CLCN4: variants seen among roughly 807,000 people sequenced by gnomAD.
CLCN4 encodes Cl-/H+ antiporter 4.
In CLCN4, 1 loss-of-function variant was observed where a neutral mutation model predicts 41.7. That is an observed-to-expected ratio of 0.02 (90% CI 0.01 to 0.11). The LOEUF is 0.11. Among genes scored for constraint, CLCN4 ranks in the 10% least tolerant of loss-of-function variants. The probability of loss-of-function intolerance (pLI) is 1.00; values close to 1 mark genes in which losing one functional copy is unlikely to be tolerated. For synonymous variants in CLCN4, 277 were observed against 285.8 expected, an observed-to-expected ratio of 0.97 and a Z score of 0.31; for missense variants, 287 against 661.0, an observed-to-expected ratio of 0.43 and a Z score of 6.20.
chrX:10,212,384 G>A (rs187351593), intron 9 of CLCN4, 83 bp from the exon 10 acceptor site: 11,975 of 965,458 alleles, frequency 0.012, 97 homozygotes, highest in Non-Finnish European at 0.013. Flanking sequence ...CAAGCCCGTC[G>A]AGGGGGAATG....
rs1388809645 is a variant in CLCN4, at chrX:10,165,370, C to T, written c.-12+6819C>T. 4.4e-5 allele frequency among the ~76,000 whole-genome samples: 5 copies of T among 112,718 alleles called. No homozygotes were observed. The Admixed American group carries it at 4.7e-4, about 10-fold the overall frequency. On this transcript the variant is annotated intron_variant, in intron 2 of 12. Transcript: ENST00000380833. ...GCTGGGGTCAGGCCCTTGACCTGCC[C>T]TGGGGACGACACATGGGAACAGCAG...
intron 11 of CLCN4, among the ~76,000 whole-genome samples, chrX:10,217,035 ACTT>A (rs934990767): frequency 9.6e-6 from 1 of 103,630 alleles, no homozygotes; most frequent in South Asian, 4.6e-4. Flanking sequence ...TCTTTGTACT[ACTT>A]CTGTGGTTGC....
intron 12 of CLCN4, among the ~76,000 whole-genome samples, chrX:10,227,876 A>G (rs1284547846): frequency 8.9e-6 from 1 of 112,173 alleles, no homozygotes; most frequent in Non-Finnish European, 1.9e-5. Context: ...CATTGTGTGG[A>G]TAGACCACAT....
At chrX:10,222,173 A>C in intron 12 of CLCN4, among the ~76,000 whole-genome samples, 1 of 112,469 alleles carries the variant, frequency 8.9e-6, no homozygotes, top group Non-Finnish European at 1.9e-5. Flanking sequence ...ACAAATCAGG[A>C]AACCAACAAT....
In CLCN4 at chrX:10,208,206, C is replaced by T. The variant is rs767923221; in HGVS notation, c.1005C>T (p.Phe335=). 8.3e-7 allele frequency: 1 copy of T among 1,211,534 alleles called. No homozygotes were observed. The highest frequency in any genetic ancestry group is 1.1e-6 in the Non-Finnish European group (1 of 895,497). ...TPWYMAELFP[F]ILLGVFGGLW... is the part of the protein sequence containing the mutation. ...GGTACATGGCTGAACTCTTCCCCTTCATCCTGCTTGGGGTCTTCGGGGGCT... is the reference window on the plus strand; with the variant it reads ...GGTACATGGCTGAACTCTTCCCCTTTATCCTGCTTGGGGTCTTCGGGGGCT... Residue 335 remains phenylalanine, a synonymous_variant, in exon 9 of 13, where the codon TTC becomes TTT. Transcript: ENST00000380833.
chrX:10,229,398 T>C (rs1925067733), intron 12 of CLCN4, among the ~76,000 whole-genome samples: 1 of 108,938 alleles, frequency 9.2e-6, no homozygotes, highest in African/African-American at 3.3e-5. Context: ...TATATATATA[T>C]ATATATTTTA....
At chrX:10,160,921 T>C (rs1009561110) in intron 2 of CLCN4, among the ~76,000 whole-genome samples, 3 of 110,171 alleles carry the variant, frequency 2.7e-5, no homozygotes, top group African/African-American at 9.9e-5. Context: ...CGGATGGAAG[T>C]GAGAGGGTCT....
intron 2 of CLCN4, among the ~76,000 whole-genome samples, chrX:10,182,626 A>G (rs1923712541): frequency 8.9e-6 from 1 of 112,442 alleles, no homozygotes; most frequent in South Asian, 3.7e-4. Flanking sequence ...GGGTTTCACC[A>G]TGTTGGCCAA....
At chrX:10,208,943 G>A (rs900029483) in intron 9 of CLCN4, among the ~76,000 whole-genome samples, 6 of 111,787 alleles carry the variant, frequency 5.4e-5, no homozygotes, top group African/African-American at 2.0e-4. Context: ...CGCTGGCCAG[G>A]TGATGCCAGG....
intron 12 of CLCN4, among the ~76,000 whole-genome samples, chrX:10,226,766 A>G (rs1002717386): frequency 8.9e-6 from 1 of 111,743 alleles, no homozygotes; most frequent in Non-Finnish European, 1.9e-5. Context: ...AGAATACTGT[A>G]TCACCTCTAT....
At chrX:10,169,715 A>G (rs1923337262) in intron 2 of CLCN4, among the ~76,000 whole-genome samples, 1 of 110,985 alleles carries the variant, frequency 9.0e-6, no homozygotes. Context: ...AGGCTGGCCT[A>G]CATAGCCTTT....
At chrX:10,162,114 G>A (rs1448517414) in intron 2 of CLCN4, among the ~76,000 whole-genome samples, 1 of 106,835 alleles carries the variant, frequency 9.4e-6, no homozygotes, top group East Asian at 3.1e-4. Context: ...CGCCTCCTGG[G>A]TTCAAGCGAT....
At chrX:10,186,608 G>C (rs759697516) in intron 3 of CLCN4, among the ~76,000 whole-genome samples, 214 of 111,248 alleles carry the variant, frequency 1.9e-3, no homozygotes, top group Admixed American at 6.4e-3. Context: ...CGCCTCACGA[G>C]GGCTGGCACG....
chrX:10,197,919 G>A lies in CLCN4; in HGVS notation c.433-20G>A. 3 of 1,209,445 alleles carry A rather than the reference G, an allele frequency of 2.5e-6. No individual in the cohort carries two copies. The highest frequency in any genetic ancestry group is 3.4e-6 in the Non-Finnish European group (3 of 894,099). ...AGCTGTGGCTAATGTTTCCTTTTGT[G>A]TTTTGTGTCTGTTGTCTAGGGTGCC... On this transcript the variant is annotated intron_variant, in intron 5 of 12. Coordinates refer to ENST00000380833, the MANE Select transcript of CLCN4 (RefSeq NM_001830.4).
chrX:10,209,126 G>A (rs1272489703), intron 9 of CLCN4, among the ~76,000 whole-genome samples: 1 of 111,602 alleles, frequency 9.0e-6, no homozygotes, highest in East Asian at 2.9e-4. Flanking sequence ...TTCTGACATT[G>A]TGATGAGCAC....
rs61023983 is a variant in CLCN4 at position 10,195,314 on chromosome X, CAT to C, written c.432+232_432+233del. ...TCCCCACTGTTTCATGTGCACAATG[CAT>C]ATATATATATATATACACTTTAAGC... On this transcript the variant is annotated intron_variant, in intron 5 of 12. Coordinates refer to ENST00000380833, the MANE Select transcript of CLCN4 (RefSeq NM_001830.4). 0.021 allele frequency among the ~76,000 whole-genome samples: 2,276 copies of C among 106,007 alleles called. 61 individuals are homozygous for C. The highest frequency in any genetic ancestry group is 0.071 in the African/African-American group (2,092 of 29,333). The allele number at this position is 106,007 out of a possible 115,157, so 92.1% of individuals were successfully genotyped here.
intron 9 of CLCN4, among the ~76,000 whole-genome samples, chrX:10,210,812 T>G: frequency 9.3e-6 from 1 of 107,651 alleles, no homozygotes. Flanking sequence ...CATGCCCAGC[T>G]GATTTTTGTA....
intron 12 of CLCN4, among the ~76,000 whole-genome samples, chrX:10,229,843 T>C (rs1395091190): frequency 8.9e-6 from 1 of 112,195 alleles, no homozygotes; most frequent in Non-Finnish European, 1.9e-5. Flanking sequence ...TGAATAGTGC[T>C]GCAATAAACA....
Position 10,181,868 on chromosome X carries a change from A to T in CLCN4, c.-11-3154A>T, listed in dbSNP as rs747555115. 2.5e-3 allele frequency among the ~76,000 whole-genome samples: 275 copies of T among 111,998 alleles called. 2 individuals carry two copies. Among genetic ancestry groups the T allele is most frequent in the African/African-American group, 8.7e-3 (268 of 30,830 alleles). On this transcript the variant is annotated intron_variant, in intron 2 of 12. Coordinates refer to ENST00000380833, the MANE Select transcript of CLCN4 (RefSeq NM_001830.4). ...ATCATTAATACTATTGTATTAATACATGCTTGTCTTCGTTGGGTCCTGGGT... is the reference window on the plus strand; with the variant it reads ...ATCATTAATACTATTGTATTAATACTTGCTTGTCTTCGTTGGGTCCTGGGT...
Sources: gnomAD v4.1 joint callset for allele counts (sites outside exome capture counted in the v4.1 genomes callset) on GRCh38, gnomAD v4.1.1 for gene constraint, MANE v1.5 for transcripts, NCBI Gene and HGNC (gene_info 2026-07-23, HGNC 2026-07-21) for gene names.